PDZD2: variants seen among roughly 807,000 people sequenced by gnomAD.
PDZD2 encodes PDZ domain containing 2.
Under a neutral mutation model 220.7 loss-of-function variants are expected in PDZD2, and 90 were observed. The ratio of observed to expected loss-of-function variants is 0.41; its 90% CI spans 0.34 to 0.49. PDZD2 has a LOEUF of 0.49. Ranked by LOEUF, PDZD2 falls within the 20% of genes least tolerant of loss-of-function variation. The pLI, the probability that PDZD2 is intolerant of heterozygous loss-of-function variation, is 0.28. For synonymous variants in PDZD2, 1,375 were observed against 1,450.5 expected, an observed-to-expected ratio of 0.95 and a Z score of 1.18; for missense variants, 3,174 against 3,608.5, an observed-to-expected ratio of 0.88 and a Z score of 3.08.
chr5:31,731,717 A>C (rs1735103043), intron 1 of PDZD2, among the ~76,000 whole-genome samples: 1 of 152,152 alleles, frequency 6.6e-6, no homozygotes, highest in Admixed American at 6.5e-5. Flanking sequence ...TATCATGTGG[A>C]TGCACCACAT....
At chr5:31,865,144 G>A (rs746139990) in intron 2 of PDZD2, among the ~76,000 whole-genome samples, 75 of 152,150 alleles carry the variant, frequency 4.9e-4, no homozygotes, top group Admixed American at 3.4e-3. Flanking sequence ...ATCGCGCCCA[G>A]CTGAGATTTG....
chr5:31,767,030 T>C (rs1752069190), intron 1 of PDZD2, among the ~76,000 whole-genome samples: 1 of 139,630 alleles, frequency 7.2e-6, no homozygotes, highest in Non-Finnish European at 1.5e-5. Flanking sequence ...ACCCAGCCTT[T>C]TTTTTTTTTT....
At chr5:31,672,948 A>T (rs1292369773) in intron 1 of PDZD2, among the ~76,000 whole-genome samples, 1 of 152,176 alleles carries the variant, frequency 6.6e-6, no homozygotes, top group Admixed American at 6.5e-5. Flanking sequence ...CACTTTGCCC[A>T]TTGTTATTTT....
intron 1 of PDZD2, among the ~76,000 whole-genome samples, chr5:31,774,128 G>T (rs762526118): frequency 1.3e-5 from 2 of 152,100 alleles, no homozygotes; most frequent in Non-Finnish European, 2.9e-5. Flanking sequence ...CCCTAAGCCT[G>T]GTGTGGGCTG....
intron 1 of PDZD2, chr5:31,725,830 C>G (rs1283689797): frequency 2.4e-6 from 2 of 832,912 alleles, no homozygotes; most frequent in African/African-American, 3.3e-5. Context: ...GTTTGAATCT[C>G]TCATTGCCGG....
chr5:31,892,354 A>C (rs1208579460), intron 2 of PDZD2, among the ~76,000 whole-genome samples: 1 of 152,256 alleles, frequency 6.6e-6, no homozygotes, highest in African/African-American at 2.4e-5. Context: ...CTCATAAACC[A>C]AGAGCAAGAT....
chr5:31,692,677 T>C (rs1180898110), intron 1 of PDZD2, among the ~76,000 whole-genome samples: 1 of 152,222 alleles, frequency 6.6e-6, no homozygotes, highest in Non-Finnish European at 1.5e-5. Flanking sequence ...GTGCCATTCC[T>C]AGGCCAGCTG....
intron 3 of PDZD2, among the ~76,000 whole-genome samples, chr5:31,990,228 G>GT (rs1751103841): frequency 6.6e-6 from 1 of 152,276 alleles, no homozygotes; most frequent in African/African-American, 2.4e-5. Flanking sequence ...CAGTAATGAG[G>GT]TCATTTAAAT....
rs548244143 is a variant in PDZD2 at position 31,764,821 on chromosome 5, T to C, written c.-360-34068T>C. ...GCCGGGCACAGTGGCTCACACCTGT[T>C]ATCCCAGCACTTTGGGAGGCCAAGA... On this transcript the variant is annotated intron_variant, in intron 1 of 24. Transcript: ENST00000438447. Among the ~76,000 whole-genome samples, 6 of 152,258 alleles carry C rather than the reference T, an allele frequency of 3.9e-5. No individual in the cohort carries two copies. The South Asian group carries it at 1.2e-3, about 32-fold the overall frequency.
chr5:31,739,496 A>G (rs186207428), intron 1 of PDZD2, among the ~76,000 whole-genome samples: 61 of 152,358 alleles, frequency 4.0e-4, no homozygotes, highest in Non-Finnish European at 6.8e-4. Flanking sequence ...ATTATATGAT[A>G]AAATGTTTAA....
chr5:31,703,036 T>TGACC (rs1446068086), intron 1 of PDZD2, among the ~76,000 whole-genome samples: 3 of 152,228 alleles, frequency 2.0e-5, no homozygotes, highest in Non-Finnish European at 4.4e-5. Flanking sequence ...TTCTTGGGAA[T>TGACC]GACCACTGGT....
chr5:32,055,417 G>A (rs1197481645), intron 10 of PDZD2, among the ~76,000 whole-genome samples: 2 of 151,828 alleles, frequency 1.3e-5, no homozygotes, highest in Admixed American at 6.6e-5. Context: ...GGCTGATCTC[G>A]AACTCCTGGC....
At chr5:31,834,700 T>C (rs1352044217) in intron 2 of PDZD2, among the ~76,000 whole-genome samples, 3 of 148,268 alleles carry the variant, frequency 2.0e-5, no homozygotes, top group Non-Finnish European at 4.4e-5. Flanking sequence ...AAGAGATTTA[T>C]CTTACTTGGA....
At chr5:32,101,366 C>T in intron 24 of PDZD2, 127 bp downstream of exon 24, 2 of 883,476 alleles carry the variant, frequency 2.3e-6, no homozygotes, top group Non-Finnish European at 3.4e-6. Context: ...TTGTGACATA[C>T]AAGGTTTATT....
intron 6 of PDZD2, among the ~76,000 whole-genome samples, chr5:32,027,384 C>T (rs891873140): frequency 1.3e-5 from 2 of 152,142 alleles, no homozygotes; most frequent in African/African-American, 2.4e-5. Flanking sequence ...TAAATTTCAA[C>T]GCATAAAAAT....
chr5:31,952,274 G>A (rs1747249708), intron 2 of PDZD2, among the ~76,000 whole-genome samples: 2 of 152,204 alleles, frequency 1.3e-5, no homozygotes, highest in African/African-American at 2.4e-5. Context: ...TGGAGAAAGG[G>A]ATATCATAGC....
At chr5:31,971,407 C>T (rs560112776) in intron 2 of PDZD2, among the ~76,000 whole-genome samples, 3 of 152,316 alleles carry the variant, frequency 2.0e-5, no homozygotes, top group South Asian at 2.1e-4. Flanking sequence ...AGGCCTCTGG[C>T]CCCATGATAT....
intron 2 of PDZD2, among the ~76,000 whole-genome samples, chr5:31,891,667 G>A (rs1486514870): frequency 6.6e-6 from 1 of 151,984 alleles, no homozygotes; most frequent in Admixed American, 6.6e-5. Flanking sequence ...GCAGGGTACT[G>A]AGCCACCGAG....
At chr5:31,926,526 GAAAA>G (rs71300157) in intron 2 of PDZD2, among the ~76,000 whole-genome samples, 127 of 84,004 alleles carry the variant, frequency 1.5e-3, no homozygotes, top group East Asian at 9.4e-3. Flanking sequence ...AACTGCATCT[GAAAA>G]AAAAAAAAAA....
Sources: gnomAD v4.1 joint callset for allele counts (sites outside exome capture counted in the v4.1 genomes callset) on GRCh38, gnomAD v4.1.1 for gene constraint, MANE v1.5 for transcripts, NCBI Gene and HGNC (gene_info 2026-07-23, HGNC 2026-07-21) for gene names.